The following AGMO variants were observed in gnomAD, a reference collection of about 807,000 sequenced individuals.
AGMO encodes the protein glyceryl-ether monooxygenase.
A neutral mutation model predicts 60.2 loss-of-function variants in AGMO; 75 were observed. That is an observed-to-expected ratio of 1.25 (90% confidence interval 1.03 to 1.51). AGMO has a LOEUF of 1.51. Among genes scored for constraint, AGMO ranks in the 40% most tolerant of loss-of-function variants. AGMO has a pLI of 0.00. For missense variants in AGMO, 763 were observed against 525.5 expected, an observed-to-expected ratio of 1.45 and a Z score of -4.42; for synonymous variants, 261 against 177.1, an observed-to-expected ratio of 1.47 and a Z score of -3.76.
At position 15,388,488 on chromosome 7, in the gene AGMO, G is replaced by C. The variant is rs566827287; in HGVS notation, c.823-948C>G. ...TAATGTACATTAATATACTTAATTT[G>C]TTTTGTAATTTTGGAAACTGAGTAC... On this transcript the variant is annotated intron_variant, in intron 8 of 12. Transcript: ENST00000342526. Among the ~76,000 whole-genome samples the C allele has an allele frequency of 9.9e-5, 15 of 152,178 alleles. No individual in the cohort carries two copies. In the East Asian group the frequency reaches 2.5e-3, roughly 25 times the overall value.
At chr7:15,169,768 C>G in the AGMO span, among the ~76,000 whole-genome samples, 2 of 152,166 alleles carry the variant, frequency 1.3e-5, no homozygotes, top group African/African-American at 4.8e-5. Flanking sequence ...TTACTTGGAA[C>G]AGTTGGAGTC....
At chr7:15,458,947 G>T (rs1233387083) in intron 3 of AGMO, among the ~76,000 whole-genome samples, 5 of 152,058 alleles carry the variant, frequency 3.3e-5, no homozygotes, top group Non-Finnish European at 7.4e-5. Context: ...TCAGATTGAA[G>T]CATACAAAAT....
intron 3 of AGMO, among the ~76,000 whole-genome samples, chr7:15,532,245 T>C (rs1784387235): frequency 6.6e-6 from 1 of 152,178 alleles, no homozygotes; most frequent in South Asian, 2.1e-4. Flanking sequence ...CTAAAATAGA[T>C]AGGATTGGTG....
chr7:15,540,910 T>C (rs995724327), intron 3 of AGMO, among the ~76,000 whole-genome samples: 1 of 152,154 alleles, frequency 6.6e-6, no homozygotes, highest in African/African-American at 2.4e-5. Flanking sequence ...TTTACAAATA[T>C]ACGCACTCAT....
intron 4 of AGMO, among the ~76,000 whole-genome samples, chr7:15,423,810 T>TG (rs2128495921): frequency 6.6e-6 from 1 of 152,172 alleles, no homozygotes; most frequent in East Asian, 1.9e-4. Flanking sequence ...GTGGGGGGCA[T>TG]GGAACTGAGT....
chr7:15,472,393 A>G (rs1253385901), intron 3 of AGMO, among the ~76,000 whole-genome samples: 2 of 151,982 alleles, frequency 1.3e-5, no homozygotes, highest in African/African-American at 4.8e-5. Context: ...TTAGCAAACT[A>G]TTTTAACACA....
At position 15,387,533 on chromosome 7, in the gene AGMO, T is replaced by A; in HGVS notation, c.830A>T (p.His277Leu). The A allele has an allele frequency of 6.2e-7, 1 of 1,606,254 alleles. No homozygotes were observed. Among genetic ancestry groups the A allele is most frequent in the Non-Finnish European group, 8.5e-7 (1 of 1,178,312 alleles). The change falls in exon 9 of 13, where the codon CAC becomes CTC. Residue 277 changes from histidine to leucine, a missense_variant. His to Leu is a moderately conservative substitution (Grantham distance 99). Coordinates refer to ENST00000342526, the MANE Select transcript of AGMO (RefSeq NM_001004320.2). ...TFEPIKVQFH[H>L]LFSIWTTFWA... The stretch of plus-strand genomic sequence containing the variant: ...GAATGTAGTCCATATGGAAAATAAG[T>A]GATGGAACTAGAAACAATAAAAAAA...
chr7:15,337,721 A>C (rs902927915), intron 12 of AGMO, among the ~76,000 whole-genome samples: 1 of 152,200 alleles, frequency 6.6e-6, no homozygotes, highest in African/African-American at 2.4e-5. Flanking sequence ...AAGGGGCAAA[A>C]ATCTCTGTGG....
rs71004387 is a variant in AGMO at position 15,493,365 on chromosome 7, C to CTTT, written c.409+51404_409+51406dup. On this transcript the variant is annotated intron_variant, in intron 3 of 12. Transcript: ENST00000342526. ...CACACACACACACACACACACACTT[C>CTTT]TTTTTTTTTTTTTTTTTTTTTTTTT... 5.8e-3 allele frequency among the ~76,000 whole-genome samples: 386 copies of CTTT among 66,626 alleles called. 60 individuals are homozygous for CTTT. Among genetic ancestry groups the CTTT allele is most frequent in the African/African-American group, 0.022 (328 of 15,068 alleles). 43.7% of individuals were successfully genotyped at this position (66,626 alleles called of 152,430 possible).
intron 3 of AGMO, among the ~76,000 whole-genome samples, chr7:15,533,111 T>C (rs1424325280): frequency 6.6e-6 from 1 of 152,152 alleles, no homozygotes; most frequent in Non-Finnish European, 1.5e-5. Flanking sequence ...GTACTTTCTG[T>C]TTCAGTTTTT....
At chr7:15,257,135 T>C (rs1018468033) in intron 12 of AGMO, among the ~76,000 whole-genome samples, 3 of 152,150 alleles carry the variant, frequency 2.0e-5, no homozygotes, top group African/African-American at 7.2e-5. Context: ...TTAAAAAAAG[T>C]TTCAAGCAAC....
chr7:15,217,738 T>G (rs1781785549), intron 12 of AGMO, among the ~76,000 whole-genome samples: 1 of 140,972 alleles, frequency 7.1e-6, no homozygotes, highest in Non-Finnish European at 1.5e-5. Flanking sequence ...AAAAATACAG[T>G]GTGTCTAACT....
At chr7:15,265,154 C>A (rs1395059888) in intron 12 of AGMO, among the ~76,000 whole-genome samples, 1 of 151,998 alleles carries the variant, frequency 6.6e-6, no homozygotes, top group Non-Finnish European at 1.5e-5. Context: ...CAGTTGGAGG[C>A]CATTATCCTA....
intron 12 of AGMO, among the ~76,000 whole-genome samples, chr7:15,251,765 G>T (rs1782945040): frequency 6.6e-6 from 1 of 152,150 alleles, no homozygotes; most frequent in Non-Finnish European, 1.5e-5. Flanking sequence ...GCAAAGTGAG[G>T]CACGGGGGGC....
chr7:15,246,367 C>T (rs1453069967), intron 12 of AGMO, among the ~76,000 whole-genome samples: 1 of 152,096 alleles, frequency 6.6e-6, no homozygotes, highest in African/African-American at 2.4e-5. Context: ...TATATATTGA[C>T]ATTTTGGAGA....
In AGMO at chr7:15,387,393, G is replaced by C. The variant is rs2128483837; in HGVS notation, c.957+13C>G. 6.2e-7 allele frequency: 1 copy of C among 1,610,796 alleles called. No individual in the cohort carries two copies. Among genetic ancestry groups the C allele is most frequent in the Middle Eastern group, 1.7e-4 (1 of 6,026 alleles). On this transcript the variant is annotated intron_variant, in intron 9 of 12. Transcript: ENST00000342526. Reference sequence around the variant, plus strand: ...CAATCTTCACCATCTCCAATTCTGTGAACTCTATTTACCTCTGGAATTTCT... The same window carrying C: ...CAATCTTCACCATCTCCAATTCTGTCAACTCTATTTACCTCTGGAATTTCT...
At chr7:15,387,861 T>C (rs1783982847) in intron 8 of AGMO, among the ~76,000 whole-genome samples, 2 of 151,622 alleles carry the variant, frequency 1.3e-5, no homozygotes, top group South Asian at 2.1e-4. Flanking sequence ...TGGAATTAAC[T>C]AGCACCCTGT....
At chr7:15,296,028 T>A (rs1784395817) in intron 12 of AGMO, among the ~76,000 whole-genome samples, 1 of 152,164 alleles carries the variant, frequency 6.6e-6, no homozygotes, top group Non-Finnish European at 1.5e-5. Flanking sequence ...TTCAATTATG[T>A]TTACATATGG....
intron 3 of AGMO, among the ~76,000 whole-genome samples, chr7:15,515,408 C>A (rs1488589626): frequency 6.6e-6 from 1 of 152,168 alleles, no homozygotes; most frequent in Non-Finnish European, 1.5e-5. Flanking sequence ...CTCCCCACTT[C>A]TTCAGCTGTG....
Sources: gnomAD v4.1 joint callset for allele counts (sites outside exome capture counted in the v4.1 genomes callset) on GRCh38, gnomAD v4.1.1 for gene constraint, MANE v1.5 for transcripts, NCBI Gene and HGNC (gene_info 2026-07-23, HGNC 2026-07-21) for gene names.